C12orf56: variants seen among roughly 807,000 people sequenced by gnomAD.
C12orf56 encodes the protein uncharacterized protein C12orf56.
C12orf56 carries 71 observed loss-of-function variants against 69.9 expected under a neutral mutation model. The ratio of observed to expected loss-of-function variants is 1.02; its 90% CI spans 0.84 to 1.24. The LOEUF (loss-of-function observed/expected upper bound fraction) is 1.24, where lower values mean the gene tolerates loss of function less well. Ranked by LOEUF, C12orf56 falls within the 50% of genes most tolerant of loss-of-function variation. The pLI is 0.00. For synonymous variants in C12orf56, 276 were observed against 274.1 expected, an observed-to-expected ratio of 1.01 and a Z score of -0.07; for missense variants, 732 against 738.5, an observed-to-expected ratio of 0.99 and a Z score of 0.10.
At position 64,266,378 on chromosome 12, in the gene C12orf56, G is replaced by T; in HGVS notation, c.*805C>A. 4.5e-6 allele frequency: 1 copy of T among 222,046 alleles called. No homozygotes were observed. The highest frequency in any genetic ancestry group is 9.6e-6 in the Non-Finnish European group (1 of 103,796). The allele number at this position is 222,046 out of a possible 1,614,324, so 13.8% of individuals were successfully genotyped here. A position where few individuals can be genotyped will look rare whatever the true frequency, so the allele number is the denominator to read the frequency against. On this transcript the variant is annotated 3_prime_UTR_variant, in exon 13 of 13. Coordinates refer to ENST00000543942, the MANE Select transcript of C12orf56 (RefSeq NM_001170633.2). The stretch of plus-strand genomic sequence containing the variant: ...CCACTTTATGTATGTCAGAATGGAT[G>T]TAGGTTTCTTTGTAGCAGATTTTAA...
intron 2 of C12orf56, among the ~76,000 whole-genome samples, chr12:64,351,870 G>GAA (rs34411804): frequency 0.27 from 39,052 of 147,122 alleles, 5,487 homozygotes; most frequent in Middle Eastern, 0.36. Context: ...GACTCCTTTG[G>GAA]AAAAAAAAAA....
intron 2 of C12orf56, among the ~76,000 whole-genome samples, chr12:64,339,873 T>C (rs1315716485): frequency 1.3e-5 from 2 of 152,096 alleles, no homozygotes; most frequent in African/African-American, 4.8e-5. Flanking sequence ...GTCAGTGTTC[T>C]CTAGAGGGAC....
rs560046094 is a variant in C12orf56 at position 64,375,936 on chromosome 12, C to T, written c.252+14378G>A. 3.3e-5 allele frequency among the ~76,000 whole-genome samples: 5 copies of T among 152,190 alleles called. No individual in the cohort carries two copies. In the South Asian group the frequency reaches 1.0e-3, roughly 32 times the overall value. On this transcript the variant is annotated intron_variant, in intron 1 of 12. Transcript: ENST00000543942. ...GAAGCTCCAAAGCATTTCCCAAAGC[C>T]AACCTGCACTGAAAAAAAGGTCATG... is the stretch of plus-strand genomic sequence containing the variant.
chr12:64,327,049 G>A (rs1323527629), intron 3 of C12orf56, among the ~76,000 whole-genome samples: 1 of 152,228 alleles, frequency 6.6e-6, no homozygotes, highest in Non-Finnish European at 1.5e-5. Flanking sequence ...ACAGACTTGA[G>A]CTTGCATGCC....
chr12:64,354,549 C>T (rs1055484777), intron 1 of C12orf56, among the ~76,000 whole-genome samples: 1 of 152,008 alleles, frequency 6.6e-6, no homozygotes, highest in Non-Finnish European at 1.5e-5. Flanking sequence ...CCTTCGCCTC[C>T]CAGGTACAAG....
intron 1 of C12orf56, among the ~76,000 whole-genome samples, chr12:64,376,683 C>T (rs1368573092): frequency 2.7e-5 from 4 of 147,966 alleles, no homozygotes; most frequent in African/African-American, 9.9e-5. Context: ...CATCATTTAG[C>T]TCCCACTTAT....
intron 5 of C12orf56, among the ~76,000 whole-genome samples, chr12:64,308,350 A>C (rs1035557665): frequency 1.1e-4 from 17 of 152,036 alleles, no homozygotes; most frequent in African/African-American, 2.9e-4. Flanking sequence ...TACATACATA[A>C]ATACATAAAT....
At chr12:64,340,355 A>T (rs1333289421) in intron 2 of C12orf56, among the ~76,000 whole-genome samples, 2 of 152,138 alleles carry the variant, frequency 1.3e-5, no homozygotes, top group Non-Finnish European at 2.9e-5. Context: ...TACACCCAGG[A>T]TCAATACTTT....
At chr12:64,270,949 C>T (rs745826675) in intron 11 of C12orf56, among the ~76,000 whole-genome samples, 75 of 152,248 alleles carry the variant, frequency 4.9e-4, no homozygotes, top group Non-Finnish European at 6.3e-4. Context: ...AGGTGGATCA[C>T]GAGGTCAGGA....
chr12:64,319,760 A>T (rs1174512188), intron 3 of C12orf56, among the ~76,000 whole-genome samples: 2 of 152,226 alleles, frequency 1.3e-5, no homozygotes, highest in South Asian at 2.1e-4. Flanking sequence ...GGAGGTAAAG[A>T]AATAGCCAGT....
intron 2 of C12orf56, chr12:64,338,646 T>C (rs2039030076): frequency 1.9e-6 from 3 of 1,593,056 alleles, no homozygotes; most frequent in Non-Finnish European, 2.6e-6. Flanking sequence ...ATCTTTAGTC[T>C]TTGGGTTTGC....
intron 1 of C12orf56, among the ~76,000 whole-genome samples, chr12:64,360,872 A>G (rs2039390837): frequency 6.6e-6 from 1 of 152,228 alleles, no homozygotes; most frequent in Non-Finnish European, 1.5e-5. Context: ...GTATAACAAT[A>G]TATCACACCA....
chr12:64,296,785 G>A (rs1357696451), intron 6 of C12orf56, among the ~76,000 whole-genome samples: 1 of 152,086 alleles, frequency 6.6e-6, no homozygotes, highest in African/African-American at 2.4e-5. Flanking sequence ...ATTGGGTCAT[G>A]AGGCTCCTGA....
chr12:64,315,108 C>T (rs1301845452), intron 4 of C12orf56, among the ~76,000 whole-genome samples: 1 of 151,534 alleles, frequency 6.6e-6, no homozygotes, highest in African/African-American at 2.4e-5. Flanking sequence ...CCCACCACCA[C>T]GGCCAGCCAA....
intron 1 of C12orf56, among the ~76,000 whole-genome samples, chr12:64,366,260 T>C (rs1249343630): frequency 1.7e-5 from 2 of 115,366 alleles, no homozygotes; most frequent in African/African-American, 3.6e-5. Flanking sequence ...TTATATATAA[T>C]ATACAGTTTA....
Position 64,318,895 on chromosome 12 carries a change from C to T in C12orf56, c.574G>A (p.Gly192Ser). The T allele has an allele frequency of 6.5e-7, 1 of 1,537,154 alleles. No individual in the cohort carries two copies. Among genetic ancestry groups the T allele is most frequent in the Non-Finnish European group, 8.7e-7 (1 of 1,146,884 alleles). Residue 192 changes from glycine (G) to serine (S), a missense_variant, in exon 4 of 13, where the codon GGT becomes AGT. Physicochemically the swap from Gly to Ser is moderately conservative, Grantham distance 56. Coordinates refer to ENST00000543942, the MANE Select transcript of C12orf56 (RefSeq NM_001170633.2). Reference sequence around the variant, plus strand: ...GGGGAAGGTAGGGGTCGAAAGGCACCTTGGCCATGAAGGGACAGCTTTTTG... The same window carrying T: ...GGGGAAGGTAGGGGTCGAAAGGCACTTTGGCCATGAAGGGACAGCTTTTTG... ...GLKKLSLHGQGAFRPLPSPSR... is the reference protein window; with the variant it reads ...GLKKLSLHGQSAFRPLPSPSR...
chr12:64,274,322 G>A (rs1057071181), intron 11 of C12orf56, among the ~76,000 whole-genome samples: 3 of 152,188 alleles, frequency 2.0e-5, no homozygotes, highest in Non-Finnish European at 4.4e-5. Context: ...GGAAGCTGTC[G>A]GCCATAGCAC....
intron 1 of C12orf56, among the ~76,000 whole-genome samples, chr12:64,383,343 C>G (rs1252781239): frequency 6.6e-6 from 1 of 151,674 alleles, no homozygotes; most frequent in Non-Finnish European, 1.5e-5. Flanking sequence ...AATAGTACCT[C>G]TTTTGTTTAA....
chr12:64,383,012 T>TAAACTTTG (rs1441820227), intron 1 of C12orf56, among the ~76,000 whole-genome samples: 8 of 151,786 alleles, frequency 5.3e-5, no homozygotes, highest in Middle Eastern at 6.9e-3. Context: ...AGTTTATAGT[T>TAAACTTTG]AAACTTTGAA....
Sources: gnomAD v4.1 joint callset for allele counts (sites outside exome capture counted in the v4.1 genomes callset) on GRCh38, gnomAD v4.1.1 for gene constraint, MANE v1.5 for transcripts, NCBI Gene and HGNC (gene_info 2026-07-23, HGNC 2026-07-21) for gene names.